The following HTR1E variants were observed in gnomAD, a reference collection of about 807,000 sequenced individuals.
The protein encoded by HTR1E is 5-hydroxytryptamine receptor 1E, also known as 5-HT-1E.
In HTR1E, 3 loss-of-function variants were observed where a neutral mutation model predicts 3.4. That is an observed-to-expected ratio of 0.89 (90% CI 0.41 to 2.31). The LOEUF is 2.31. Ranked by LOEUF, HTR1E falls within the 30% of genes most tolerant of loss-of-function variation. The pLI is 0.05. For synonymous variants in HTR1E, 170 were observed against 182.8 expected (o/e 0.93, Z 0.56); for missense variants, 392 against 467.0 (o/e 0.84, Z 1.48).
intron 1 of HTR1E, chr6:86,971,325 C>T (rs181730748): frequency 1.1e-5 from 2 of 184,690 alleles, no homozygotes; most frequent in African/African-American, 2.4e-5. Context: ...CTGATTATTT[C>T]ACACCTTTTC....
intron 1 of HTR1E, among the ~76,000 whole-genome samples, chr6:86,946,245 A>G (rs1157394744): frequency 6.6e-6 from 1 of 151,624 alleles, no homozygotes; most frequent in Admixed American, 6.6e-5. Context: ...TAATCCTGCA[A>G]ACTCCATTCA....
chr6:86,976,696 C>T (rs2127824383), intron 1 of HTR1E, among the ~76,000 whole-genome samples: 1 of 152,328 alleles, frequency 6.6e-6, no homozygotes, highest in African/African-American at 2.4e-5. Context: ...AAGAAAGAAA[C>T]TACACATTTC....
Position 87,015,842 on chromosome 6 carries a change from C to T in HTR1E, c.508C>T (p.Pro170Ser), listed in dbSNP as rs760216096. 1.9e-6 allele frequency: 3 copies of T among 1,613,744 alleles called. No individual in the cohort carries two copies. Among genetic ancestry groups the T allele is most frequent in the Non-Finnish European group, 2.5e-6 (3 of 1,179,804 alleles). Residue 170 changes from proline to serine, a missense_variant, in exon 2 of 2, where the codon CCT (proline) becomes TCT (serine). Coordinates refer to ENST00000305344, the MANE Select transcript of HTR1E (RefSeq NM_000865.3). ...WRSHRRLSPP[P>S]SQCTIQHDHV... ...AAGCCACCGCCGCCTAAGCCCTCCC[C>T]CTAGTCAGTGCACCATCCAGCACGA...
At chr6:86,995,795 G>A (rs1767933273) in intron 1 of HTR1E, among the ~76,000 whole-genome samples, 1 of 150,606 alleles carries the variant, frequency 6.6e-6, no homozygotes, top group Non-Finnish European at 1.5e-5. Flanking sequence ...GATATGCCAT[G>A]AAAAGATTAA....
chr6:86,987,092 T>C (rs1767799534), intron 1 of HTR1E, among the ~76,000 whole-genome samples: 1 of 151,812 alleles, frequency 6.6e-6, no homozygotes, highest in South Asian at 2.1e-4. Flanking sequence ...ATATGGCAAA[T>C]ATATAGAATG....
At chr6:86,998,437 A>T (rs1328230682) in intron 1 of HTR1E, among the ~76,000 whole-genome samples, 1 of 152,144 alleles carries the variant, frequency 6.6e-6, no homozygotes, top group Non-Finnish European at 1.5e-5. Flanking sequence ...AATCTATAAA[A>T]TCTCTAAAAA....
intron 1 of HTR1E, among the ~76,000 whole-genome samples, chr6:86,955,469 C>G (rs775551313): frequency 1.1e-4 from 16 of 152,126 alleles, no homozygotes; most frequent in Non-Finnish European, 1.8e-4. Context: ...GATGTAAAAT[C>G]CCACCTTGGA....
intron 1 of HTR1E, among the ~76,000 whole-genome samples, chr6:86,995,440 C>T (rs953183174): frequency 8.6e-5 from 13 of 151,162 alleles, no homozygotes; most frequent in Admixed American, 2.6e-4. Context: ...TCGAGGTGGG[C>T]GGATCACCTG....
At chr6:87,001,142 CA>C (rs1293105885) in intron 1 of HTR1E, among the ~76,000 whole-genome samples, 1 of 151,390 alleles carries the variant, frequency 6.6e-6, no homozygotes, top group Non-Finnish European at 1.5e-5. Context: ...AACCAAAAAT[CA>C]AAAAATATAT....
intron 1 of HTR1E, among the ~76,000 whole-genome samples, chr6:87,003,368 T>C (rs1768052830): frequency 6.6e-6 from 1 of 151,876 alleles, no homozygotes; most frequent in Non-Finnish European, 1.5e-5. Flanking sequence ...CAAAACCCCA[T>C]CTCTACTTAA....
intron 1 of HTR1E, among the ~76,000 whole-genome samples, chr6:87,014,189 A>T (rs1322761685): frequency 1.3e-5 from 2 of 151,632 alleles, no homozygotes; most frequent in African/African-American, 4.8e-5. Flanking sequence ...CAGCAAACCA[A>T]CACGGCACAT....
chr6:86,950,381 C>G (rs552286126), intron 1 of HTR1E, among the ~76,000 whole-genome samples: 5 of 151,968 alleles, frequency 3.3e-5, no homozygotes, highest in Non-Finnish European at 1.5e-5. Context: ...ATGAAGTGCA[C>G]GGAAGGAATG....
At chr6:86,980,243 C>T (rs894394611) in intron 1 of HTR1E, among the ~76,000 whole-genome samples, 5 of 151,940 alleles carry the variant, frequency 3.3e-5, no homozygotes, top group South Asian at 4.2e-4. Context: ...AAAAAATAGC[C>T]GGGCATGGTG....
intron 1 of HTR1E, chr6:86,970,848 T>C (rs1419852097): frequency 4.0e-6 from 1 of 250,564 alleles, no homozygotes; most frequent in East Asian, 1.2e-4. Flanking sequence ...TCAGTTAACA[T>C]ACTGAGGCTT....
intron 1 of HTR1E, among the ~76,000 whole-genome samples, chr6:86,954,592 G>A (rs927579798): frequency 5.9e-5 from 9 of 152,138 alleles, no homozygotes; most frequent in Admixed American, 4.6e-4. Flanking sequence ...AGAAGAGAGC[G>A]GTGTGGGACC....
At chr6:87,012,020 T>A (rs1487018002) in intron 1 of HTR1E, among the ~76,000 whole-genome samples, 1 of 152,168 alleles carries the variant, frequency 6.6e-6, no homozygotes, top group Non-Finnish European at 1.5e-5. Context: ...AAGGGATACA[T>A]GCATGGTGTG....
At chr6:87,005,674 G>C (rs1768092662) in intron 1 of HTR1E, among the ~76,000 whole-genome samples, 1 of 152,110 alleles carries the variant, frequency 6.6e-6, no homozygotes, top group Non-Finnish European at 1.5e-5. Flanking sequence ...CAAGACATTA[G>C]TCTGGACAAA....
At chr6:86,959,472 A>G (rs1045925537) in intron 1 of HTR1E, among the ~76,000 whole-genome samples, 1 of 152,006 alleles carries the variant, frequency 6.6e-6, no homozygotes. Context: ...ATCCCCAGCT[A>G]TTCAGGAGGC....
chr6:86,948,709 G>A (rs558732204), intron 1 of HTR1E, among the ~76,000 whole-genome samples: 34 of 152,240 alleles, frequency 2.2e-4, no homozygotes, highest in African/African-American at 7.9e-4. Context: ...ATGGGACCCA[G>A]GCCCATCCAA....
Sources: gnomAD v4.1 joint callset for allele counts (sites outside exome capture counted in the v4.1 genomes callset) on GRCh38, gnomAD v4.1.1 for gene constraint, MANE v1.5 for transcripts, NCBI Gene and HGNC (gene_info 2026-07-23, HGNC 2026-07-21) for gene names.